The following GOLGB1 variants were observed in gnomAD, a reference collection of about 807,000 sequenced individuals.
The protein encoded by GOLGB1 is golgin B1.
In GOLGB1, 174 loss-of-function variants were observed where a neutral mutation model predicts 336.9. The ratio of observed to expected loss-of-function variants is 0.52; its 90% CI spans 0.46 to 0.59. The LOEUF (loss-of-function observed/expected upper bound fraction) is 0.59. GOLGB1 is among the 20% of genes least tolerant of loss of function. The pLI is 0.00. For missense variants in GOLGB1, 3,331 were observed against 3,645.3 expected (o/e 0.91, Z 2.22); for synonymous variants, 1,208 against 1,289.2 (o/e 0.94, Z 1.35).
chr3:121,681,839 C>T lies in GOLGB1; in HGVS notation c.8721G>A (p.Gln2907=). The T allele has an allele frequency of 6.2e-7, 1 of 1,604,850 alleles. No homozygotes were observed. Among genetic ancestry groups the T allele is most frequent in the Non-Finnish European group, 8.5e-7 (1 of 1,173,160 alleles). Residue 2907 remains glutamine, a synonymous_variant, in exon 15 of 22, where the codon CAG becomes CAA. Transcript: ENST00000614479. ...TCTCTTGATTAATCTGTAAGTATTGCTGCTGCAGATTCTTCAATTCCTTCA... is the reference window on the plus strand; with the variant it reads ...TCTCTTGATTAATCTGTAAGTATTGTTGCTGCAGATTCTTCAATTCCTTCA... ...RLLKELKNLQ[Q]QYLQINQEIT...
At chr3:121,742,272 T>C (rs1052953418) in intron 1 of GOLGB1, among the ~76,000 whole-genome samples, 11 of 152,112 alleles carry the variant, frequency 7.2e-5, no homozygotes, top group Non-Finnish European at 8.8e-5. Flanking sequence ...AACACATACA[T>C]AGACCAATGG....
At position 121,696,244 on chromosome 3, in the gene GOLGB1, G is replaced by C. The variant is rs766793333; in HGVS notation, c.4279C>G (p.Leu1427Val). 1 of 1,614,026 alleles carries C rather than the reference G, an allele frequency of 6.2e-7. No individual in the cohort carries two copies. Among genetic ancestry groups the C allele is most frequent in the African/African-American group, 1.3e-5 (1 of 75,024 alleles). The change falls in exon 13 of 22, where the codon CTC becomes GTC. Residue 1427 changes from leucine to valine, a missense_variant. By Grantham distance (32) the Leu-to-Val change is conservative (BLOSUM62 1). Transcript: ENST00000614479. ...ATTATCTCTGTCTGTATTTTAGTGA[G>C]AGCTGCTTCTTTCTCACTAAGTTGT... is the stretch of plus-strand genomic sequence containing the variant. ...SGQLSEKEAA[L>V]TKIQTEIIEQ...
Position 121,698,266 on chromosome 3 carries a change from G to C in GOLGB1, c.2257C>G (p.Gln753Glu). The C allele has an allele frequency of 6.2e-7, 1 of 1,613,762 alleles. No individual in the cohort carries two copies. Among genetic ancestry groups the C allele is most frequent in the Non-Finnish European group, 8.5e-7 (1 of 1,179,764 alleles). Reference protein sequence around the residue: ...AFTALSEERDQLLSQVKELSM... With the variant: ...AFTALSEERDELLSQVKELSM... ...AGTTCCTTCACCTGAGAGAGAAGCTGGTCTCTTTCTTCAGACAAAGCAGTG... is the reference window on the plus strand; with the variant it reads ...AGTTCCTTCACCTGAGAGAGAAGCTCGTCTCTTTCTTCAGACAAAGCAGTG... The change falls in exon 13 of 22, where the codon CAG becomes GAG. Residue 753 changes from glutamine (Q) to glutamate (E), a missense_variant. Transcript: ENST00000614479.
chr3:121,746,255 T>C (rs557601670), intron 1 of GOLGB1, among the ~76,000 whole-genome samples: 1 of 152,300 alleles, frequency 6.6e-6, no homozygotes, highest in Admixed American at 6.5e-5. Flanking sequence ...GGTAGTGCTG[T>C]ATAGCTGGAA....
In GOLGB1 at chr3:121,681,836, T is replaced by C. The variant is rs1941104172; in HGVS notation, c.8724A>G (p.Gln2908=). The C allele has an allele frequency of 6.2e-7, 1 of 1,606,080 alleles. No individual in the cohort carries two copies. Among genetic ancestry groups the C allele is most frequent in the South Asian group, 1.1e-5 (1 of 90,464 alleles). ...TGATCTCTTGATTAATCTGTAAGTA[T>C]TGCTGCTGCAGATTCTTCAATTCCT... ...LLKELKNLQQ[Q]YLQINQEITE... Residue 2908 remains glutamine, a synonymous_variant, in exon 15 of 22, where the codon CAA becomes CAG. Coordinates refer to ENST00000614479, the MANE Select transcript of GOLGB1 (RefSeq NM_001366282.2).
At chr3:121,726,464 A>AG (rs1945620649) in intron 5 of GOLGB1, among the ~76,000 whole-genome samples, 1 of 149,854 alleles carries the variant, frequency 6.7e-6, no homozygotes, top group Non-Finnish European at 1.5e-5. Flanking sequence ...AGAAAAGAAA[A>AG]GAAAAAAAAA....
intron 13 of GOLGB1, among the ~76,000 whole-genome samples, chr3:121,693,136 T>C (rs1411369427): frequency 6.6e-6 from 1 of 152,120 alleles, no homozygotes; most frequent in East Asian, 1.9e-4. Flanking sequence ...GACTAGACAA[T>C]TAATTTGAGA....
Position 121,692,433 on chromosome 3 carries a change from C to T in GOLGB1, c.6931G>A (p.Glu2311Lys). 1 of 1,614,004 alleles carries T rather than the reference C, an allele frequency of 6.2e-7. No homozygotes were observed. The highest frequency in any genetic ancestry group is 8.5e-7 in the Non-Finnish European group (1 of 1,179,980). ...TRHLYHSSQN[E>K]LAKLESELKS... is the part of the protein sequence containing the mutation. The stretch of plus-strand genomic sequence containing the variant: ...AGTTCTGATTCCAACTTAGCTAATT[C>T]ATTCTGAGAACTGTGGTATAGGTGG... Residue 2311 changes from glutamate to lysine, a missense_variant, in exon 14 of 22, where the codon GAA (glutamate) becomes AAA (lysine). Transcript: ENST00000614479.
Position 121,714,905 on chromosome 3 carries a change from C to T in GOLGB1, c.1360G>A (p.Ala454Thr). ...ACATCTGGGAAAGAAGTCTGAGATG[C>T]TGTTTCATGTTGTTGCAAGGGCAGT... ...NRLPLQQHETASQTSFPDVYN... is the reference protein window; with the variant it reads ...NRLPLQQHETTSQTSFPDVYN... Residue 454 changes from alanine (A) to threonine (T), a missense_variant, in exon 10 of 22, where the codon GCA becomes ACA. By Grantham distance (58) the Ala-to-Thr change is moderately conservative. Transcript: ENST00000614479. 6.2e-7 allele frequency: 1 copy of T among 1,612,626 alleles called. No individual in the cohort carries two copies. Among genetic ancestry groups the T allele is most frequent in the African/African-American group, 1.3e-5 (1 of 74,956 alleles).
intron 1 of GOLGB1, among the ~76,000 whole-genome samples, chr3:121,747,405 G>T (rs886981474): frequency 7.1e-6 from 1 of 141,184 alleles, no homozygotes; most frequent in Non-Finnish European, 1.5e-5. Context: ...ACATATATAC[G>T]TATATATATG....
chr3:121,664,896 A>G, intron 21 of GOLGB1, 30 bp downstream of exon 21: 1 of 1,321,752 alleles, frequency 7.6e-7, no homozygotes, highest in Non-Finnish European at 1.1e-6. Flanking sequence ...AGATAATAAA[A>G]CACCCTCTCT....
At chr3:121,726,039 G>A (rs1945566167) in intron 5 of GOLGB1, among the ~76,000 whole-genome samples, 1 of 150,084 alleles carries the variant, frequency 6.7e-6, no homozygotes, top group Non-Finnish European at 1.5e-5. Context: ...AAACTAAGGA[G>A]CAGAATGATA....
intron 17 of GOLGB1, 54 bp downstream of exon 17, chr3:121,676,839 T>C (rs1030029016): frequency 3.3e-5 from 51 of 1,543,052 alleles, no homozygotes; most frequent in Middle Eastern, 1.7e-4. Flanking sequence ...CTTGCCTTCT[T>C]GTTCCAGTCA....
At chr3:121,730,999 AC>A (rs1394946061) in intron 1 of GOLGB1, 26 bp from the exon 2 acceptor site, 1 of 1,602,646 alleles carries the variant, frequency 6.2e-7, no homozygotes, top group African/African-American at 1.3e-5. Flanking sequence ...GGGGGAAAAA[AC>A]CTAAGAATCA....
At chr3:121,721,873 T>C (rs1945223278) in intron 6 of GOLGB1, among the ~76,000 whole-genome samples, 2 of 152,206 alleles carry the variant, frequency 1.3e-5, no homozygotes, top group Non-Finnish European at 2.9e-5. Context: ...TGGGAAAGAA[T>C]GAACCTAATT....
rs778492990 is a variant in GOLGB1 at position 121,694,575 on chromosome 3, T to C, written c.5948A>G (p.Glu1983Gly). 3.1e-6 allele frequency: 5 copies of C among 1,612,626 alleles called. No homozygotes were observed. Among genetic ancestry groups the C allele is most frequent in the East Asian group, 2.2e-5 (1 of 44,870 alleles). The change falls in exon 13 of 22, where the codon GAA becomes GGA. Residue 1983 changes from glutamate to glycine, a missense_variant. By Grantham distance (98) the Glu-to-Gly change is moderately conservative (BLOSUM62 -2). Transcript: ENST00000614479. ...TATTTCTGATTCCACCTTAGTTTTTTCCTTGACTAACTGCTGCTTTTCTTC... is the reference window on the plus strand; with the variant it reads ...TATTTCTGATTCCACCTTAGTTTTTCCCTTGACTAACTGCTGCTTTTCTTC... ...LEEEKQQLVK[E>G]KTKVESEIRK...
intron 18 of GOLGB1, 153 bp from the exon 19 acceptor site, chr3:121,668,311 C>T: frequency 2.0e-6 from 1 of 508,752 alleles, no homozygotes; most frequent in Non-Finnish European, 3.5e-6. Context: ...GCAGATTACT[C>T]ACCTACATAA....
chr3:121,725,660 C>T (rs1481629303), intron 5 of GOLGB1, among the ~76,000 whole-genome samples: 1 of 152,032 alleles, frequency 6.6e-6, no homozygotes. Context: ...ATGTGAATGT[C>T]CCCTCCAAAA....
In GOLGB1 at chr3:121,702,559, T is replaced by C; in HGVS notation, c.1441A>G (p.Arg481Gly). 1 of 1,539,178 alleles carries C rather than the reference T, an allele frequency of 6.5e-7. No individual in the cohort carries two copies. Among genetic ancestry groups the C allele is most frequent in the Non-Finnish European group, 8.7e-7 (1 of 1,143,028 alleles). Reference sequence around the variant, plus strand: ...TTTTCATTCTCTAGTTCTACCACTCTCTTCTGCAAAGAAGCAATATTCTCC... The same window carrying C: ...TTTTCATTCTCTAGTTCTACCACTCCCTTCTGCAAAGAAGCAATATTCTCC... ...TEENIASLQK[R>G]VVELENEKGA... is the part of the protein sequence containing the mutation. Residue 481 changes from arginine (R) to glycine (G), a missense_variant, in exon 11 of 22, where the codon AGA becomes GGA. Physicochemically the swap from Arg to Gly is moderately radical, Grantham distance 125. Transcript: ENST00000614479.
Sources: gnomAD v4.1 joint callset for allele counts (sites outside exome capture counted in the v4.1 genomes callset) on GRCh38, gnomAD v4.1.1 for gene constraint, MANE v1.5 for transcripts, NCBI Gene and HGNC (gene_info 2026-07-23, HGNC 2026-07-21) for gene names.